NBPF4: variants seen among roughly 807,000 people sequenced by gnomAD.
NBPF4 encodes NBPF member 4, also known as NBPF family member NBPF4.
A neutral mutation model predicts 21.1 loss-of-function variants in NBPF4; 11 were observed. That is an observed-to-expected ratio of 0.52 (90% CI 0.33 to 0.86). The LOEUF (loss-of-function observed/expected upper bound fraction) is 0.86, where lower values mean the gene tolerates loss of function less well. NBPF4 is among the 40% of genes least tolerant of loss of function. The pLI is 0.03. For synonymous variants in NBPF4, 47 were observed against 106.4 expected (o/e 0.44, Z 3.43); for missense variants, 88 against 265.3 (o/e 0.33, Z 4.64).
intron 14 of NBPF4, 113 bp from the exon 15 acceptor site, chr1:108,223,859 G>A: frequency 2.6e-6 from 3 of 1,167,384 alleles, no homozygotes; most frequent in Non-Finnish European, 3.7e-6. Flanking sequence ...CTCCTGCTGG[G>A]AGGATGAGCT....
chr1:108,268,720 T>C, the NBPF4 span, among the ~76,000 whole-genome samples: 2 of 148,538 alleles, frequency 1.3e-5, no homozygotes, highest in Non-Finnish European at 3.0e-5. Flanking sequence ...GAAAGAAAAA[T>C]ACTAGCTATT....
At position 108,223,756 on chromosome 1, in the gene NBPF4, A is replaced by G. The variant is rs534380133; in HGVS notation, c.1876-10T>C. On this transcript the variant is annotated splice_polypyrimidine_tract_variant and intron_variant, in intron 14 of 14. Transcript: ENST00000415641. ...CAGCAGTATTTGGTATCTGTAGGGG[A>G]GAGAGAGAAAAAAAATCAAATGAGC... 2 of 1,549,164 alleles carry G rather than the reference A, an allele frequency of 1.3e-6. No homozygotes were observed. The highest frequency in any genetic ancestry group is 2.8e-5 in the African/African-American group (2 of 72,470).
chr1:108,266,223 A>G, the NBPF4 span, among the ~76,000 whole-genome samples: 1 of 145,960 alleles, frequency 6.9e-6, no homozygotes, highest in Non-Finnish European at 1.5e-5. Flanking sequence ...GAAAATTCAA[A>G]TAAACACAAT....
At chr1:108,266,184 C>A in the NBPF4 span, among the ~76,000 whole-genome samples, 2 of 145,594 alleles carry the variant, frequency 1.4e-5, no homozygotes, top group Non-Finnish European at 3.0e-5. Flanking sequence ...AAATAGACCA[C>A]TAGCAAGACT....
chr1:108,244,929 T>TAC (rs1649786655), upstream of NBPF4, among the ~76,000 whole-genome samples: 2 of 49,396 alleles, frequency 4.0e-5, no homozygotes, highest in African/African-American at 1.6e-4. Context: ...TATATATATA[T>TAC]ATATATATAT....
the NBPF4 span, among the ~76,000 whole-genome samples, chr1:108,266,169 C>T: frequency 7.1e-6 from 1 of 140,536 alleles, no homozygotes; most frequent in Non-Finnish European, 1.5e-5. Context: ...AAAAAAAAGG[C>T]AATAAAATAG....
chr1:108,229,089 C>G lies in NBPF4; in HGVS notation c.1491G>C (p.Val497=), dbSNP rs541440618. Residue 497 remains valine (V), a synonymous_variant, in exon 13 of 15, where the codon GTG becomes GTC. Transcript: ENST00000415641. ...GTTCCAGCTGTGCCTGTGAAACTTG[C>G]ACCTCTGACTGGTGGTGGCTCAAGT... is the stretch of plus-strand genomic sequence containing the variant. ...SGDLSHHQSE[V]QVSQAQLEPS... is the part of the protein sequence containing the mutation. 16 of 1,551,170 alleles carry G rather than the reference C, an allele frequency of 1.0e-5. No homozygotes were observed. The East Asian group carries it at 1.2e-4, about 12-fold the overall frequency.
chr1:108,233,848 G>A, intron 10 of NBPF4, among the ~76,000 whole-genome samples: 1 of 135,110 alleles, frequency 7.4e-6, no homozygotes, highest in Non-Finnish European at 1.7e-5. Context: ...CACAGGCGTT[G>A]GGCAGGCATA....
At chr1:108,241,405 C>A (rs1223390570) in intron 3 of NBPF4, among the ~76,000 whole-genome samples, 7 of 146,426 alleles carry the variant, frequency 4.8e-5, no homozygotes, top group Non-Finnish European at 9.0e-5. Flanking sequence ...TACAAACACA[C>A]ACACACACAG....
In NBPF4 at chr1:108,223,761, G is replaced by A. The variant is rs1161873285; in HGVS notation, c.1876-15C>T. On this transcript the variant is annotated splice_polypyrimidine_tract_variant and intron_variant, in intron 14 of 14. Coordinates refer to ENST00000415641, the MANE Select transcript of NBPF4 (RefSeq NM_001143989.3). ...GTATTTGGTATCTGTAGGGGAGAGAGAGAAAAAAAATCAAATGAGCATTTT... is the reference window on the plus strand; with the variant it reads ...GTATTTGGTATCTGTAGGGGAGAGAAAGAAAAAAAATCAAATGAGCATTTT... 5 of 1,548,616 alleles carry A rather than the reference G, an allele frequency of 3.2e-6. No homozygotes were observed. Among genetic ancestry groups the A allele is most frequent in the African/African-American group, 1.4e-5 (1 of 72,478 alleles).
chr1:108,227,099 C>T (rs549242786), intron 13 of NBPF4, among the ~76,000 whole-genome samples: 2 of 152,046 alleles, frequency 1.3e-5, no homozygotes, highest in Admixed American at 1.3e-4. Context: ...TGCCAGGATC[C>T]AAAGGCACTG....
rs1649576671 is a variant in NBPF4, at chr1:108,229,082, A to C, written c.1498T>G (p.Ser500Ala). ...GTGCTTGGTTCCAGCTGTGCCTGTG[A>C]AACTTGCACCTCTGACTGGTGGTGG... ...LSHHQSEVQV[S>A]QAQLEPSTLV... Residue 500 changes from serine (S) to alanine (A), a missense_variant, in exon 13 of 15, where the codon TCA becomes GCA. By Grantham distance (99) the Ser-to-Ala change is moderately conservative. Transcript: ENST00000415641. The C allele has an allele frequency of 1.3e-6, 2 of 1,551,152 alleles. No individual in the cohort carries two copies. The highest frequency in any genetic ancestry group is 1.7e-4 in the Middle Eastern group (1 of 5,966).
chr1:108,241,517 A>C (rs1649718863), intron 3 of NBPF4, among the ~76,000 whole-genome samples: 1 of 145,596 alleles, frequency 6.9e-6, no homozygotes, highest in African/African-American at 2.5e-5. Context: ...AATCAGTTCC[A>C]CAAGGATGTC....
chr1:108,252,471 G>A, the NBPF4 span, among the ~76,000 whole-genome samples: 1 of 48,090 alleles, frequency 2.1e-5, no homozygotes, highest in Admixed American at 2.4e-4. Flanking sequence ...TTCCTCCTCA[G>A]TTGTTTGGAA....
upstream of NBPF4, among the ~76,000 whole-genome samples, chr1:108,246,444 A>C (rs1346304924): frequency 1.7e-5 from 2 of 119,952 alleles, 1 homozygote; most frequent in Non-Finnish European, 3.6e-5. Flanking sequence ...TTGAGATTAA[A>C]TTCTCATGTA....
Position 108,222,875 on chromosome 1 carries a change from C to T in NBPF4, c.*830G>A, listed in dbSNP as rs551532519. 2.6e-5 allele frequency among the ~76,000 whole-genome samples: 4 copies of T among 152,280 alleles called. No individual in the cohort carries two copies. In the South Asian group the frequency reaches 8.3e-4, roughly 32 times the overall value. ...TACAAGGGACAGAGCTCCTAGACCCCTCCTTAACCAAGTGACCATCCTAGT... is the reference window on the plus strand; with the variant it reads ...TACAAGGGACAGAGCTCCTAGACCCTTCCTTAACCAAGTGACCATCCTAGT... On this transcript the variant is annotated 3_prime_UTR_variant, in exon 15 of 15. Transcript: ENST00000415641.
At chr1:108,256,503 T>C in the NBPF4 span, among the ~76,000 whole-genome samples, 11 of 121,302 alleles carry the variant, frequency 9.1e-5, no homozygotes, top group Non-Finnish European at 8.5e-5. Context: ...TCTTTCTTTC[T>C]TTTTTCTCCC....
At position 108,222,656 on chromosome 1, in the gene NBPF4, A is replaced by G. The variant is rs12129033; in HGVS notation, c.*1049T>C. On this transcript the variant is annotated 3_prime_UTR_variant, in exon 15 of 15. Coordinates refer to ENST00000415641, the MANE Select transcript of NBPF4 (RefSeq NM_001143989.3). ...TTGGGCAGGGAATGATCTTTTTTAC[A>G]AAGAATGCCAGCAAAAGCAAGTATA... is the stretch of plus-strand genomic sequence containing the variant. Among the ~76,000 whole-genome samples the G allele has an allele frequency of 0.4, 60,139 of 152,034 alleles. 12,176 individuals are homozygous for G. Among genetic ancestry groups the G allele is most frequent in the South Asian group, 0.57 (2,770 of 4,822 alleles).
At chr1:108,244,901 G>GATAGATAT (rs1389900748), upstream of NBPF4, among the ~76,000 whole-genome samples, 11 of 12,458 alleles carry the variant, frequency 8.8e-4, no homozygotes, top group African/African-American at 2.9e-3. Context: ...TATTGTTGGA[G>GATAGATAT]ATATATATAT....
Sources: gnomAD v4.1 joint callset for allele counts (sites outside exome capture counted in the v4.1 genomes callset) on GRCh38, gnomAD v4.1.1 for gene constraint, MANE v1.5 for transcripts, NCBI Gene and HGNC (gene_info 2026-07-23, HGNC 2026-07-21) for gene names.